The following FANCA variants were observed in gnomAD, a reference collection of about 807,000 sequenced individuals.
The protein encoded by FANCA is Fanconi anemia group A protein.
Under a neutral mutation model 194.3 loss-of-function variants are expected in FANCA, and 236 were observed. The observed-to-expected ratio is 1.21, with a 90% confidence interval of 1.09 to 1.35. FANCA has a LOEUF of 1.35. Among genes scored for constraint, FANCA ranks in the 40% most tolerant of loss-of-function variants. FANCA has a pLI of 0.00. For synonymous variants in FANCA, 1,014 were observed against 715.8 expected, an observed-to-expected ratio of 1.42 and a Z score of -6.65; for missense variants, 2,628 against 1,813.9, an observed-to-expected ratio of 1.45 and a Z score of -8.15.
intron 24 of FANCA, 137 bp downstream of exon 24, chr16:89,770,427 G>A (rs529088095): frequency 3.4e-5 from 35 of 1,024,564 alleles, no homozygotes; most frequent in South Asian, 2.6e-4. Context: ...CTTCTGCTGC[G>A]TCCTATTTGA....
intron 11 of FANCA, among the ~76,000 whole-genome samples, chr16:89,794,593 G>T (rs1450513808): frequency 6.6e-6 from 1 of 151,986 alleles, no homozygotes; most frequent in Non-Finnish European, 1.5e-5. Context: ...ATCATGGTGG[G>T]GATGCTGTTC....
At position 89,779,921 on chromosome 16, in the gene FANCA, T is replaced by G. The variant is rs1335514576; in HGVS notation, c.1663A>C (p.Ile555Leu). Residue 555 changes from isoleucine to leucine, a missense_variant, in exon 18 of 43, where the codon ATC becomes CTC. Physicochemically the swap from Ile to Leu is conservative, Grantham distance 5. Coordinates refer to ENST00000389301, the MANE Select transcript of FANCA (RefSeq NM_000135.4). ...SQALQDVEKA[I>L]MVFEHTGNIP... ...TTCCCCGTATGCTCAAACACCATGA[T>G]GGCCTTTTCAACATCCTGAAGAGCT... is the stretch of plus-strand genomic sequence containing the variant. The G allele has an allele frequency of 1.2e-6, 2 of 1,614,198 alleles. No homozygotes were observed. The highest frequency in any genetic ancestry group is 8.5e-7 in the Non-Finnish European group (1 of 1,180,036).
Position 89,808,365 on chromosome 16 carries a change from A to G in FANCA, c.525T>C (p.Ser175=), listed in dbSNP as rs2143657669. The change falls in exon 6 of 43, where the codon AGT becomes AGC. Residue 175 remains serine (S), a splice_region_variant and synonymous_variant. Coordinates refer to ENST00000389301, the MANE Select transcript of FANCA (RefSeq NM_000135.4). The part of the protein sequence containing the change: ...SFCQELWKIQ[S]SLLLEAVWHL... ...GCCACACCGCTTCAAGCAACAAAGA[A>G]CTCTGAAAAACAAAACAAAACAAAC... is the stretch of plus-strand genomic sequence containing the variant. 1 of 1,614,134 alleles carries G rather than the reference A, an allele frequency of 6.2e-7. No homozygotes were observed.
At chr16:89,777,492 G>A (rs1417508324) in intron 20 of FANCA, among the ~76,000 whole-genome samples, 1 of 151,976 alleles carries the variant, frequency 6.6e-6, no homozygotes, top group African/African-American at 2.4e-5. Flanking sequence ...TTGGGAGGCC[G>A]AGGTGGGTGG....
chr16:89,759,693 G>A (rs891955266), intron 29 of FANCA, among the ~76,000 whole-genome samples: 15 of 152,194 alleles, frequency 9.9e-5, no homozygotes, highest in Non-Finnish European at 1.6e-4. Flanking sequence ...CTCTGGAGAG[G>A]GAAGCTGCCG....
In FANCA at chr16:89,749,867, G is replaced by A. The variant is rs1216824664; in HGVS notation, c.3102C>T (p.Leu1034=). Residue 1034 remains leucine, a synonymous_variant, in exon 32 of 43, where the codon CTC becomes CTT. Coordinates refer to ENST00000389301, the MANE Select transcript of FANCA (RefSeq NM_000135.4). Reference sequence around the variant, plus strand: ...AAGGGGTGTGGCCGAGAGGCACTATGAGGTCTTGCTGCAGCTCCAGGTCAG... The same window carrying A: ...AAGGGGTGTGGCCGAGAGGCACTATAAGGTCTTGCTGCAGCTCCAGGTCAG... ...MVADLELQQD[L]IVPLGHTPSQ... is the part of the protein sequence containing the mutation. 9 of 1,614,230 alleles carry A rather than the reference G, an allele frequency of 5.6e-6. No individual in the cohort carries two copies. Among genetic ancestry groups the A allele is most frequent in the South Asian group, 3.3e-5 (3 of 91,090 alleles).
chr16:89,762,062 AAC>A lies in FANCA; in HGVS notation c.2779-42_2779-41del, dbSNP rs2038970921. On this transcript the variant is annotated intron_variant, in intron 28 of 42. Transcript: ENST00000389301. ...AAGCAATTCAATACAATGAGGACAG[AAC>A]ACACAATCCACCGACAGGTTTATAA... 2.0e-6 allele frequency: 3 copies of A among 1,487,532 alleles called. No individual in the cohort carries two copies. In the East Asian group the frequency reaches 6.8e-5, roughly 34 times the overall value. 92.1% of individuals were successfully genotyped at this position (1,487,532 alleles called of 1,614,324 possible). A position where few individuals can be genotyped will look rare whatever the true frequency, so the allele number is the denominator to read the frequency against.
Position 89,739,613 on chromosome 16 carries a change from G to C in FANCA, c.3935-60C>G, listed in dbSNP as rs55811603. 38 of 1,535,310 alleles carry C rather than the reference G, an allele frequency of 2.5e-5. No individual in the cohort carries two copies. The East Asian group carries it at 7.3e-4, about 30-fold the overall frequency. On this transcript the variant is annotated intron_variant, in intron 39 of 42. Transcript: ENST00000389301. ...ACATCTCTGCCTATTATCAGTGCTGGGGACACCCCTGGGGGTCGGGACGTG... is the reference window on the plus strand; with the variant it reads ...ACATCTCTGCCTATTATCAGTGCTGCGGACACCCCTGGGGGTCGGGACGTG...
Position 89,738,350 on chromosome 16 carries a change from CCGCCCTTGGTGCTGGA to C in FANCA, c.*235_*250del. 1 of 1,480,728 alleles carries C rather than the reference CCGCCCTTGGTGCTGGA, an allele frequency of 6.8e-7. No individual in the cohort carries two copies. Among genetic ancestry groups the C allele is most frequent in the Non-Finnish European group, 9.0e-7 (1 of 1,112,534 alleles). The allele number at this position is 1,480,728 out of a possible 1,614,324, so 91.7% of individuals were successfully genotyped here. On this transcript the variant is annotated 3_prime_UTR_variant, in exon 43 of 43. Transcript: ENST00000389301. ...GCATGGGAGGGTCGGAGGGTGCTGC[CCGCCCTTGGTGCTGGA>C]GGCGGGCTTGGTGTCCGGCTCAAGT...
At chr16:89,789,267 G>A (rs1253607363) in intron 14 of FANCA, among the ~76,000 whole-genome samples, 1 of 148,386 alleles carries the variant, frequency 6.7e-6, no homozygotes, top group East Asian at 2.1e-4. Flanking sequence ...AAGCAGATGC[G>A]GCTCAGCCTC....
At chr16:89,804,445 C>T (rs924249342) in intron 7 of FANCA, among the ~76,000 whole-genome samples, 4 of 152,090 alleles carry the variant, frequency 2.6e-5, no homozygotes, top group Admixed American at 1.3e-4. Flanking sequence ...GCTGTCCTGC[C>T]GCCGTCCAGG....
chr16:89,816,402 C>T, intron 1 of FANCA, 135 bp downstream of exon 1: 2 of 719,996 alleles, frequency 2.8e-6, no homozygotes, highest in Admixed American at 4.6e-5. Flanking sequence ...GCCGGGCGCC[C>T]ACCCCGCACA....
Position 89,815,198 on chromosome 16 carries a change from G to A in FANCA, c.190-585C>T, listed in dbSNP as rs1033997711. 2.0e-5 allele frequency among the ~76,000 whole-genome samples: 3 copies of A among 151,634 alleles called. No individual in the cohort carries two copies. The South Asian group carries it at 6.3e-4, about 32-fold the overall frequency. ...ATTACAGACACCTGCTACCATACCC[G>A]GCTAATTTTTGTATTTTAAGTAGTG... On this transcript the variant is annotated intron_variant, in intron 2 of 42. Transcript: ENST00000389301.
intron 27 of FANCA, among the ~76,000 whole-genome samples, chr16:89,766,773 G>A (rs1437097988): frequency 1.3e-5 from 2 of 152,014 alleles, no homozygotes; most frequent in Admixed American, 6.6e-5. Flanking sequence ...TAGATGAGAG[G>A]AATAAGAATT....
intron 35 of FANCA, among the ~76,000 whole-genome samples, chr16:89,745,603 C>T (rs78948412): frequency 2.7e-5 from 2 of 74,674 alleles, no homozygotes; most frequent in South Asian, 6.3e-4. Flanking sequence ...ACCACACTGC[C>T]CTGAGCTGGG....
intron 31 of FANCA, 76 bp from the exon 32 acceptor site, chr16:89,749,978 G>C (rs868268559): frequency 7.3e-6 from 11 of 1,516,650 alleles, no homozygotes; most frequent in Admixed American, 6.7e-5. Context: ...CAGACGTCAG[G>C]GGTCAGGGAG....
At chr16:89,791,576 C>T (rs1006073025) in intron 13 of FANCA, 40 bp from the exon 14 acceptor site, 2 of 1,612,436 alleles carry the variant, frequency 1.2e-6, no homozygotes, top group Non-Finnish European at 1.7e-6. Flanking sequence ...AAGGCAAGGG[C>T]AGCCAGCAGG....
intron 20 of FANCA, among the ~76,000 whole-genome samples, chr16:89,777,717 G>GT (rs2039557834): frequency 6.6e-6 from 1 of 152,104 alleles, no homozygotes; most frequent in Non-Finnish European, 1.5e-5. Flanking sequence ...AACCTGCAAT[G>GT]TAAGTGATCC....
Position 89,767,089 on chromosome 16 carries a change from G to C in FANCA, c.2601+52C>G, listed in dbSNP as rs377381234. ...CTCGGCCTTCCGGTCCGAAAGCTGC[G>C]TAAACCTGAAACGTATGGCAGAATG... On this transcript the variant is annotated intron_variant, in intron 27 of 42. Transcript: ENST00000389301. 49 of 1,440,220 alleles carry C rather than the reference G, an allele frequency of 3.4e-5. No homozygotes were observed. The African/African-American group carries it at 5.3e-4, about 16-fold the overall frequency. 89.2% of individuals were successfully genotyped at this position (1,440,220 alleles called of 1,614,324 possible). A position where few individuals can be genotyped will look rare whatever the true frequency, so the allele number is the denominator to read the frequency against.
Sources: gnomAD v4.1 joint callset for allele counts (sites outside exome capture counted in the v4.1 genomes callset) on GRCh38, gnomAD v4.1.1 for gene constraint, MANE v1.5 for transcripts, NCBI Gene and HGNC (gene_info 2026-07-23, HGNC 2026-07-21) for gene names.